ARHGAP15: variants seen among roughly 807,000 people sequenced by gnomAD.
The protein encoded by ARHGAP15 is rho GTPase-activating protein 15.
Under a neutral mutation model 63.7 loss-of-function variants are expected in ARHGAP15, and 51 were observed. The observed-to-expected ratio is 0.80, with a 90% CI of 0.64 to 1.01. The LOEUF is 1.01. Among genes scored for constraint, ARHGAP15 ranks in the 50% least tolerant of loss-of-function variants. The pLI is 0.00. For synonymous variants in ARHGAP15, 191 were observed against 193.8 expected (o/e 0.99, Z 0.12); for missense variants, 560 against 564.6 (o/e 0.99, Z 0.08).
At chr2:143,417,100 G>T (rs1287079880) in intron 6 of ARHGAP15, among the ~76,000 whole-genome samples, 1 of 151,802 alleles carries the variant, frequency 6.6e-6, no homozygotes. Flanking sequence ...GGTCTAAGAG[G>T]TATTGGAGAA....
At chr2:143,473,099 A>G (rs995829678) in intron 8 of ARHGAP15, among the ~76,000 whole-genome samples, 3 of 152,202 alleles carry the variant, frequency 2.0e-5, no homozygotes, top group Non-Finnish European at 4.4e-5. Context: ...TCCAGTTTGC[A>G]TTCCAACAAC....
At chr2:143,236,484 G>T (rs1182128681) in intron 5 of ARHGAP15, 1 of 152,178 alleles carries the variant, frequency 6.6e-6, no homozygotes, top group East Asian at 1.9e-4. Context: ...GATAAAAAAT[G>T]AACCAGACTG....
intron 12 of ARHGAP15, among the ~76,000 whole-genome samples, chr2:143,656,433 G>A (rs1003785575): frequency 6.6e-6 from 1 of 152,188 alleles, no homozygotes; most frequent in Non-Finnish European, 1.5e-5. Flanking sequence ...TGCAAAAGTA[G>A]AAGAGGTACC....
At chr2:143,483,960 G>T (rs1374569265) in intron 8 of ARHGAP15, among the ~76,000 whole-genome samples, 1 of 152,124 alleles carries the variant, frequency 6.6e-6, no homozygotes, top group Non-Finnish European at 1.5e-5. Context: ...GGCCATGGTG[G>T]CTCAGACCTG....
rs550958432 is a variant in ARHGAP15, at chr2:143,450,048, T to TC, written c.703+13006_703+13007insC. Among the ~76,000 whole-genome samples, 6 of 76,124 alleles carry TC rather than the reference T, an allele frequency of 7.9e-5. No homozygotes were observed. The East Asian group carries it at 4.3e-3, about 55-fold the overall frequency. 49.9% of individuals were successfully genotyped at this position (76,124 alleles called of 152,430 possible). The stretch of plus-strand genomic sequence containing the variant: ...ACAGCTTACATAAGAATAATTAATC[T>TC]TTTTTTTTTTCCTAGTGAGTACCTG... On this transcript the variant is annotated intron_variant, in intron 8 of 13. Transcript: ENST00000295095.
At chr2:143,475,971 G>A (rs1326919648) in intron 8 of ARHGAP15, among the ~76,000 whole-genome samples, 1 of 152,192 alleles carries the variant, frequency 6.6e-6, no homozygotes, top group Non-Finnish European at 1.5e-5. Flanking sequence ...TTTAATTAAA[G>A]CATTGTTGGA....
chr2:143,445,950 A>C (rs1690117661), intron 8 of ARHGAP15, among the ~76,000 whole-genome samples: 1 of 151,974 alleles, frequency 6.6e-6, no homozygotes, highest in South Asian at 2.1e-4. Context: ...ATTTGTAAAA[A>C]TCCAGTTTAA....
At chr2:143,351,627 G>C (rs964532107) in intron 6 of ARHGAP15, among the ~76,000 whole-genome samples, 1 of 152,246 alleles carries the variant, frequency 6.6e-6, no homozygotes, top group Non-Finnish European at 1.5e-5. Context: ...CGATGTCTAT[G>C]GTAGTGGCCC....
At chr2:143,458,835 C>A (rs1230462545) in intron 8 of ARHGAP15, among the ~76,000 whole-genome samples, 3 of 152,132 alleles carry the variant, frequency 2.0e-5, no homozygotes, top group Non-Finnish European at 2.9e-5. Flanking sequence ...ATTTGCAATA[C>A]TTGGATTGTG....
At chr2:143,715,597 G>T (rs1684776231) in intron 13 of ARHGAP15, among the ~76,000 whole-genome samples, 1 of 152,164 alleles carries the variant, frequency 6.6e-6, no homozygotes, top group Non-Finnish European at 1.5e-5. Context: ...ATTCGTTTAA[G>T]TACCTTATAG....
chr2:143,620,928 G>A (rs1036346981), intron 11 of ARHGAP15, among the ~76,000 whole-genome samples: 2 of 152,132 alleles, frequency 1.3e-5, no homozygotes, highest in East Asian at 1.9e-4. Context: ...CCAACTCAAG[G>A]TCATATTAAG....
At chr2:143,360,604 A>G (rs552008551) in intron 6 of ARHGAP15, among the ~76,000 whole-genome samples, 2 of 152,292 alleles carry the variant, frequency 1.3e-5, no homozygotes, top group East Asian at 3.9e-4. Context: ...TTTGCATTCC[A>G]GTTCTGCCTC....
intron 6 of ARHGAP15, among the ~76,000 whole-genome samples, chr2:143,313,651 C>T (rs570130298): frequency 2.4e-4 from 37 of 152,296 alleles, no homozygotes; most frequent in Middle Eastern, 3.4e-3. Flanking sequence ...AACATAACGA[C>T]AGATGCTGAG....
At chr2:143,253,993 TC>T (rs1354070621) in intron 6 of ARHGAP15, among the ~76,000 whole-genome samples, 1 of 152,118 alleles carries the variant, frequency 6.6e-6, no homozygotes, top group Non-Finnish European at 1.5e-5. Context: ...TTGATGTAGT[TC>T]GAGAAACCTT....
chr2:143,437,101 T>C, intron 8 of ARHGAP15, 59 bp downstream of exon 8: 4 of 1,516,574 alleles, frequency 2.6e-6, no homozygotes, highest in Non-Finnish European at 3.6e-6. Context: ...GCTTATGAAA[T>C]ATAAATGCAT....
intron 6 of ARHGAP15, among the ~76,000 whole-genome samples, chr2:143,422,515 A>G (rs1038006467): frequency 2.0e-5 from 3 of 152,170 alleles, no homozygotes; most frequent in African/African-American, 7.2e-5. Context: ...CCCAAAAAGT[A>G]AGATAACAAA....
At chr2:143,553,602 T>C (rs1695665206) in intron 10 of ARHGAP15, among the ~76,000 whole-genome samples, 1 of 152,178 alleles carries the variant, frequency 6.6e-6, no homozygotes, top group Admixed American at 6.5e-5. Flanking sequence ...AAAAGAAAGT[T>C]GTGTTATTAC....
In ARHGAP15 at chr2:143,703,620, C is replaced by T. The variant is rs1684192647; in HGVS notation, c.1244+96C>T. ...TCTCTAAGGCAAGAGTTTCCAAATG[C>T]GTACATCTCGTATTTTCCCTTGTAG... On this transcript the variant is annotated intron_variant, in intron 13 of 13. Transcript: ENST00000295095. The T allele has an allele frequency of 7.0e-6, 6 of 861,446 alleles. No individual in the cohort carries two copies. In the South Asian group the frequency reaches 7.2e-5, roughly 10 times the overall value. The allele number at this position is 861,446 out of a possible 1,614,324, so 53.4% of individuals were successfully genotyped here.
Position 143,445,158 on chromosome 2 carries a change from T to C in ARHGAP15, c.703+8116T>C, listed in dbSNP as rs893154441. Among the ~76,000 whole-genome samples the C allele has an allele frequency of 1.6e-3, 199 of 122,562 alleles. 1 individual carries two copies. Among genetic ancestry groups the C allele is most frequent in the African/African-American group, 6.1e-3 (197 of 32,262 alleles). 80.4% of individuals were successfully genotyped at this position (122,562 alleles called of 152,430 possible). A position where few individuals can be genotyped will look rare whatever the true frequency, so the allele number is the denominator to read the frequency against. ...GTCAAAGATTAAGAACAATTATTTTTTTTTTTTTTTTTTTTTTTTTGAGAA... is the reference window on the plus strand; with the variant it reads ...GTCAAAGATTAAGAACAATTATTTTCTTTTTTTTTTTTTTTTTTTTGAGAA... On this transcript the variant is annotated intron_variant, in intron 8 of 13. Coordinates refer to ENST00000295095, the MANE Select transcript of ARHGAP15 (RefSeq NM_018460.4).
Sources: gnomAD v4.1 joint callset for allele counts (sites outside exome capture counted in the v4.1 genomes callset) on GRCh38, gnomAD v4.1.1 for gene constraint, MANE v1.5 for transcripts, NCBI Gene and HGNC (gene_info 2026-07-23, HGNC 2026-07-21) for gene names.